TOX2: variants seen among roughly 807,000 people sequenced by gnomAD.
The protein encoded by TOX2 is TOX high mobility group box family member 2.
TOX2 carries 15 observed loss-of-function variants against 47.4 expected under a neutral mutation model. The ratio of observed to expected loss-of-function variants is 0.32; its 90% CI spans 0.21 to 0.49. The LOEUF is 0.49. TOX2 is among the 20% of genes least tolerant of loss of function. TOX2 has a pLI of 0.99. For missense variants in TOX2, 622 were observed against 673.1 expected, an observed-to-expected ratio of 0.92 and a Z score of 0.84; for synonymous variants, 290 against 296.6, an observed-to-expected ratio of 0.98 and a Z score of 0.23.
At chr20:43,950,035 CT>C (rs11474973) in intron 1 of TOX2, among the ~76,000 whole-genome samples, 116,606 of 151,924 alleles carry the variant, frequency 0.77, 44,982 homozygotes, top group East Asian at 0.97. Context: ...AGCCTCTCTG[CT>C]TTGGAGGGTC....
chr20:43,995,731 T>TA (rs1360890811), intron 2 of TOX2, among the ~76,000 whole-genome samples: 1 of 152,218 alleles, frequency 6.6e-6, no homozygotes, highest in African/African-American at 2.4e-5. Flanking sequence ...TCTTATCACT[T>TA]AGCTCTCACT....
chr20:44,052,507 T>C (rs2071533056), intron 4 of TOX2, among the ~76,000 whole-genome samples: 1 of 152,142 alleles, frequency 6.6e-6, no homozygotes. Context: ...CCCTGGACTT[T>C]GGGGGAAGAG....
chr20:43,931,249 C>T (rs963899848), intron 1 of TOX2, among the ~76,000 whole-genome samples: 2 of 152,200 alleles, frequency 1.3e-5, no homozygotes, highest in Admixed American at 1.3e-4. Context: ...AGCGATCCTC[C>T]TGCCTCAGCC....
intron 3 of TOX2, among the ~76,000 whole-genome samples, chr20:44,011,448 G>C (rs956107728): frequency 2.0e-5 from 3 of 151,256 alleles, no homozygotes; most frequent in Non-Finnish European, 2.9e-5. Flanking sequence ...CTCTGTGCCC[G>C]GAAGAGGCCC....
At chr20:43,970,673 G>T (rs183273863) in intron 1 of TOX2, among the ~76,000 whole-genome samples, 14 of 152,246 alleles carry the variant, frequency 9.2e-5, no homozygotes, top group Non-Finnish European at 4.4e-5. Context: ...AATGGCCATG[G>T]TCACACATCA....
At chr20:43,991,854 C>T (rs984174385) in intron 2 of TOX2, among the ~76,000 whole-genome samples, 6 of 152,032 alleles carry the variant, frequency 3.9e-5, no homozygotes, top group Non-Finnish European at 5.9e-5. Context: ...ATGTTGGCAA[C>T]GCTGGTCTTG....
At chr20:44,003,990 G>T (rs1194156880) in intron 2 of TOX2, among the ~76,000 whole-genome samples, 1 of 152,210 alleles carries the variant, frequency 6.6e-6, no homozygotes, top group Non-Finnish European at 1.5e-5. Flanking sequence ...AGCAGCCCGA[G>T]TGGCCAATGA....
chr20:44,036,115 G>A (rs1349132738), intron 3 of TOX2, among the ~76,000 whole-genome samples: 3 of 152,246 alleles, frequency 2.0e-5, no homozygotes, highest in East Asian at 1.9e-4. Flanking sequence ...GCTGCGAGCT[G>A]TCAGAAGCCC....
At chr20:44,028,060 A>G (rs535966802) in intron 3 of TOX2, among the ~76,000 whole-genome samples, 1 of 152,300 alleles carries the variant, frequency 6.6e-6, no homozygotes, top group South Asian at 2.1e-4. Context: ...ACACAACCAG[A>G]GCCATGTACA....
chr20:44,042,899 A>G, intron 3 of TOX2, among the ~76,000 whole-genome samples: 1 of 152,176 alleles, frequency 6.6e-6, no homozygotes, highest in East Asian at 1.9e-4. Flanking sequence ...GGAACCAATA[A>G]TGGCGTGTCC....
At chr20:43,985,880 T>C (rs576441637) in intron 2 of TOX2, among the ~76,000 whole-genome samples, 8 of 151,128 alleles carry the variant, frequency 5.3e-5, no homozygotes, top group Non-Finnish European at 8.8e-5. Flanking sequence ...TTAAGAGGAG[T>C]GTGTGTCCAG....
At chr20:43,996,935 G>T (rs916078810) in intron 2 of TOX2, among the ~76,000 whole-genome samples, 5 of 152,220 alleles carry the variant, frequency 3.3e-5, no homozygotes, top group African/African-American at 1.2e-4. Context: ...TCCCAACAAA[G>T]CTGGAAGGTT....
intron 3 of TOX2, among the ~76,000 whole-genome samples, chr20:44,013,694 T>G (rs1412269919): frequency 6.6e-6 from 1 of 152,208 alleles, no homozygotes; most frequent in African/African-American, 2.4e-5. Flanking sequence ...CTGGACTGAT[T>G]CAGGTGATTT....
chr20:44,052,517 G>A (rs1187622869), intron 4 of TOX2, among the ~76,000 whole-genome samples: 1 of 152,202 alleles, frequency 6.6e-6, no homozygotes, highest in Non-Finnish European at 1.5e-5. Flanking sequence ...TGGGGGAAGA[G>A]GGGTTTACTT....
chr20:44,007,697 A>G (rs1011211486), intron 3 of TOX2, among the ~76,000 whole-genome samples: 2 of 152,110 alleles, frequency 1.3e-5, no homozygotes, highest in African/African-American at 4.8e-5. Flanking sequence ...CAAATTAGCC[A>G]GGTGTGGTGG....
At chr20:44,001,233 C>T (rs1378151969) in intron 2 of TOX2, among the ~76,000 whole-genome samples, 1 of 152,212 alleles carries the variant, frequency 6.6e-6, no homozygotes, top group Admixed American at 6.5e-5. Context: ...AGACCAGGGT[C>T]TGAATCACAA....
At chr20:44,025,653 C>T (rs1321681537) in intron 3 of TOX2, among the ~76,000 whole-genome samples, 1 of 132,924 alleles carries the variant, frequency 7.5e-6, no homozygotes, top group Non-Finnish European at 1.6e-5. Flanking sequence ...TTATTTTCTC[C>T]CCTCCCACCA....
At chr20:44,046,731 C>CTGTT (rs2071413815) in intron 3 of TOX2, among the ~76,000 whole-genome samples, 1 of 152,188 alleles carries the variant, frequency 6.6e-6, no homozygotes, top group Admixed American at 6.5e-5. Flanking sequence ...GTAGTCAAAA[C>CTGTT]TGTTTATTGA....
chr20:44,014,526 G>A (rs2070841566), intron 3 of TOX2, among the ~76,000 whole-genome samples: 1 of 152,090 alleles, frequency 6.6e-6, no homozygotes, highest in Admixed American at 6.5e-5. Context: ...AGGCTATGTG[G>A]TCAGGCTGAC....
Sources: allele counts gnomAD v4.1 joint callset (sites outside exome capture counted in the v4.1 genomes callset), GRCh38; gene constraint gnomAD v4.1.1; transcripts MANE v1.5; gene names NCBI Gene and HGNC (gene_info 2026-07-23, HGNC 2026-07-21).